Variants in SNX29 observed in about 807,000 individuals in gnomAD.
SNX29 encodes the protein sorting nexin-29.
Under a neutral mutation model 102.1 loss-of-function variants are expected in SNX29, and 78 were observed. The ratio of observed to expected loss-of-function variants is 0.76; its 90% confidence interval spans 0.64 to 0.92. SNX29 has a LOEUF of 0.92. SNX29 is among the 40% of genes least tolerant of loss of function. SNX29 has a pLI of 0.00. For missense variants in SNX29, 1,280 were observed against 1,061.7 expected (o/e 1.21, Z -2.86); for synonymous variants, 580 against 414.5 (o/e 1.40, Z -4.85).
intron 18 of SNX29, among the ~76,000 whole-genome samples, chr16:12,430,152 C>G (rs1313380111): frequency 1.3e-5 from 2 of 152,220 alleles, no homozygotes; most frequent in African/African-American, 2.4e-5. Context: ...GAATCTAATG[C>G]CCAAAGATCT....
At chr16:11,982,141 A>G (rs959311675) in intron 1 of SNX29, among the ~76,000 whole-genome samples, 1 of 152,160 alleles carries the variant, frequency 6.6e-6, no homozygotes, top group Admixed American at 6.5e-5. Context: ...TCATATATGT[A>G]TGTAGACCTA....
chr16:12,354,317 T>C (rs551312097), intron 15 of SNX29, among the ~76,000 whole-genome samples: 11 of 152,340 alleles, frequency 7.2e-5, no homozygotes, highest in African/African-American at 2.6e-4. Context: ...AAATTTTGTC[T>C]CTTAAGTTGC....
intron 11 of SNX29, among the ~76,000 whole-genome samples, chr16:12,126,337 G>A (rs2054213170): frequency 6.6e-6 from 1 of 152,230 alleles, no homozygotes; most frequent in African/African-American, 2.4e-5. Context: ...CTAGGAGATA[G>A]TAACTGTTAA....
intron 7 of SNX29, 102 bp from the exon 8 acceptor site, chr16:12,051,745 A>C: frequency 6.8e-7 from 1 of 1,468,000 alleles, no homozygotes. Flanking sequence ...TGTATTTCTC[A>C]CTCGAATAGT....
At chr16:12,211,887 A>G (rs1057327967) in intron 14 of SNX29, among the ~76,000 whole-genome samples, 5 of 152,182 alleles carry the variant, frequency 3.3e-5, no homozygotes, top group Non-Finnish European at 5.9e-5. Flanking sequence ...ATACCTTTAC[A>G]ATGACATTTA....
chr16:12,144,635 G>A (rs895212343), intron 13 of SNX29, among the ~76,000 whole-genome samples: 1 of 152,234 alleles, frequency 6.6e-6, no homozygotes, highest in Non-Finnish European at 1.5e-5. Context: ...CCAGAACTGT[G>A]AGAAAAGAAA....
intron 11 of SNX29, among the ~76,000 whole-genome samples, chr16:12,121,163 A>G (rs1024546356): frequency 6.6e-6 from 1 of 152,230 alleles, no homozygotes; most frequent in Non-Finnish European, 1.5e-5. Context: ...AGTGACCCAC[A>G]GGCTTGGGGG....
intron 16 of SNX29, among the ~76,000 whole-genome samples, chr16:12,357,350 A>T (rs898938708): frequency 2.0e-5 from 3 of 152,190 alleles, no homozygotes; most frequent in African/African-American, 7.2e-5. Flanking sequence ...ACAAAAAAAA[A>T]TACAATATCC....
intron 1 of SNX29, among the ~76,000 whole-genome samples, chr16:11,988,689 C>A (rs1415693456): frequency 6.6e-6 from 1 of 152,200 alleles, no homozygotes; most frequent in Non-Finnish European, 1.5e-5. Context: ...TGTGAGCCAC[C>A]ATGCTTGGCC....
chr16:12,555,083 A>G (rs1226141958), intron 20 of SNX29, among the ~76,000 whole-genome samples: 2 of 151,614 alleles, frequency 1.3e-5, no homozygotes, highest in South Asian at 2.1e-4. Context: ...AGGTGGAGGA[A>G]AAGTGAAAGG....
At chr16:12,326,837 C>T (rs79259638) in intron 15 of SNX29, among the ~76,000 whole-genome samples, 3,685 of 152,192 alleles carry the variant, frequency 0.024, 86 homozygotes, top group East Asian at 0.13. Flanking sequence ...CTGGGCCTTG[C>T]GGGAGGTGTG....
intron 1 of SNX29, 29 bp downstream of exon 1, chr16:11,976,842 G>T: frequency 1.5e-6 from 2 of 1,342,578 alleles, no homozygotes; most frequent in Non-Finnish European, 1.9e-6. Flanking sequence ...GCTGTCACCT[G>T]CCCCGGCCGC....
intron 14 of SNX29, among the ~76,000 whole-genome samples, chr16:12,201,715 T>C (rs1285581911): frequency 6.6e-6 from 1 of 152,244 alleles, no homozygotes; most frequent in Non-Finnish European, 1.5e-5. Flanking sequence ...GTGACTCTAA[T>C]GCAGGTGACC....
intron 15 of SNX29, among the ~76,000 whole-genome samples, chr16:12,291,874 A>G (rs2079808476): frequency 1.3e-5 from 2 of 152,232 alleles, no homozygotes; most frequent in Admixed American, 1.3e-4. Flanking sequence ...GAATGAATGG[A>G]TGAGTGAGTG....
At chr16:12,146,235 A>C (rs1030284903) in intron 13 of SNX29, among the ~76,000 whole-genome samples, 1 of 150,984 alleles carries the variant, frequency 6.6e-6, no homozygotes, top group South Asian at 2.1e-4. Flanking sequence ...GTATTTCCCC[A>C]AGTGGGATCT....
chr16:12,445,980 G>C (rs1019438709), intron 18 of SNX29, among the ~76,000 whole-genome samples: 1 of 151,826 alleles, frequency 6.6e-6, no homozygotes, highest in South Asian at 2.1e-4. Context: ...CCGAGTCCAC[G>C]CTTTCGCGCT....
At chr16:12,019,852 G>A (rs62037703) in intron 3 of SNX29, among the ~76,000 whole-genome samples, 151 of 151,822 alleles carry the variant, frequency 9.9e-4, no homozygotes, top group Non-Finnish European at 1.8e-3. Flanking sequence ...AGCCAGGCTG[G>A]TCTCAAACTC....
intron 15 of SNX29, among the ~76,000 whole-genome samples, chr16:12,339,835 C>G (rs1374933590): frequency 1.3e-5 from 2 of 152,176 alleles, no homozygotes; most frequent in Non-Finnish European, 2.9e-5. Context: ...GAACCAGTCA[C>G]TGTGGCTAAA....
At chr16:12,278,341 C>T (rs1261939727) in intron 15 of SNX29, among the ~76,000 whole-genome samples, 2 of 152,058 alleles carry the variant, frequency 1.3e-5, no homozygotes, top group African/African-American at 4.8e-5. Context: ...CAGAGAATAT[C>T]ACATGCACCT....
Sources: allele counts gnomAD v4.1 joint callset (sites outside exome capture counted in the v4.1 genomes callset), GRCh38; gene constraint gnomAD v4.1.1; transcripts MANE v1.5; gene names NCBI Gene and HGNC (gene_info 2026-07-23, HGNC 2026-07-21).